Variants in SOD3 observed in about 807,000 individuals in gnomAD.
SOD3 encodes superoxide dismutase 3, also known as extracellular superoxide dismutase [Cu-Zn].
A neutral mutation model predicts 2.6 loss-of-function variants in SOD3; 3 were observed. That is an observed-to-expected ratio of 1.13 (90% CI 0.52 to 2.93). The LOEUF is 2.93. Ranked by LOEUF, SOD3 falls within the 30% of genes most tolerant of loss-of-function variation. The pLI is 0.04. For missense variants in SOD3, 379 were observed against 370.4 expected (o/e 1.02, Z -0.19); for synonymous variants, 188 against 177.5 (o/e 1.06, Z -0.47).
At chr4:24,798,558 C>G (rs1208594948) in intron 1 of SOD3, among the ~76,000 whole-genome samples, 1 of 152,136 alleles carries the variant, frequency 6.6e-6, no homozygotes, top group Non-Finnish European at 1.5e-5. Flanking sequence ...GCTTCTCTGT[C>G]TCTCCCTAGG....
At chr4:24,797,852 C>A (rs965108833) in intron 1 of SOD3, among the ~76,000 whole-genome samples, 1 of 152,170 alleles carries the variant, frequency 6.6e-6, no homozygotes, top group Non-Finnish European at 1.5e-5. Context: ...TTGGAGGCAG[C>A]ATCAATCCCT....
rs930372671 is a variant in SOD3 at position 24,800,077 on chromosome 4, G to A, written c.556G>A (p.Asp186Asn). The A allele has an allele frequency of 7.1e-7, 1 of 1,413,342 alleles. No individual in the cohort carries two copies. Among genetic ancestry groups the A allele is most frequent in the African/African-American group, 1.5e-5 (1 of 65,890 alleles). The allele number at this position is 1,413,342 out of a possible 1,614,324, so 87.6% of individuals were successfully genotyped here. Reference protein sequence around the residue: ...RAVVVHAGEDDLGRGGNQASV... With the variant: ...RAVVVHAGEDNLGRGGNQASV... ...CGTGGTCGTCCACGCTGGCGAGGAC[G>A]ACCTGGGCCGCGGCGGCAACCAGGC... is the stretch of plus-strand genomic sequence containing the variant. Residue 186 changes from aspartate (D) to asparagine (N), a missense_variant, in exon 2 of 2, where the codon GAC becomes AAC. Transcript: ENST00000382120.
At chr4:24,799,439 C>G in intron 1 of SOD3, 67 bp from the exon 2 acceptor site, 1 of 1,536,246 alleles carries the variant, frequency 6.5e-7, no homozygotes, top group Middle Eastern at 2.2e-4. Flanking sequence ...TAATGGGGTC[C>G]CTGAGATTCT....
chr4:24,799,898 A>G lies in SOD3; in HGVS notation c.377A>G (p.Glu126Gly). The G allele has an allele frequency of 6.2e-7, 1 of 1,601,356 alleles. No individual in the cohort carries two copies. The highest frequency in any genetic ancestry group is 2.2e-5 in the East Asian group (1 of 44,716). Residue 126 changes from glutamate to glycine, a missense_variant, in exon 2 of 2, where the codon GAG becomes GGG. By Grantham distance (98) the Glu-to-Gly change is moderately conservative. Coordinates refer to ENST00000382120, the MANE Select transcript of SOD3 (RefSeq NM_003102.4). ...HQFGDLSQGC[E>G]STGPHYNPLA... ...TTCGGGGACCTGAGCCAGGGCTGCGAGTCCACCGGGCCCCACTACAACCCG... is the reference window on the plus strand; with the variant it reads ...TTCGGGGACCTGAGCCAGGGCTGCGGGTCCACCGGGCCCCACTACAACCCG...
At chr4:24,798,264 C>A (rs999801943) in intron 1 of SOD3, among the ~76,000 whole-genome samples, 10 of 152,098 alleles carry the variant, frequency 6.6e-5, no homozygotes, top group Non-Finnish European at 1.3e-4. Flanking sequence ...CCTGTCTTCC[C>A]ACCTGGGCAC....
Position 24,800,307 on chromosome 4 carries a change from C to T in SOD3, c.*63C>T. On this transcript the variant is annotated 3_prime_UTR_variant, in exon 2 of 2. Transcript: ENST00000382120. Reference sequence around the variant, plus strand: ...GGCCCCCCTCTGCCTTTGAGCTTCTCCTCTGCTCCAACAGACACCCTCCAC... The same window carrying T: ...GGCCCCCCTCTGCCTTTGAGCTTCTTCTCTGCTCCAACAGACACCCTCCAC... 7.5e-7 allele frequency: 1 copy of T among 1,334,288 alleles called. No homozygotes were observed. The allele number at this position is 1,334,288 out of a possible 1,614,324, so 82.7% of individuals were successfully genotyped here.
chr4:24,799,969 G>A lies in SOD3; in HGVS notation c.448G>A (p.Ala150Thr). Reference protein sequence around the residue: ...PQHPGDFGNFAVRDGSLWRYR... With the variant: ...PQHPGDFGNFTVRDGSLWRYR... Reference sequence around the variant, plus strand: ...GCACCCGGGCGACTTCGGCAACTTCGCGGTCCGCGACGGCAGCCTCTGGAG... The same window carrying A: ...GCACCCGGGCGACTTCGGCAACTTCACGGTCCGCGACGGCAGCCTCTGGAG... Residue 150 changes from alanine to threonine, a missense_variant, in exon 2 of 2, where the codon GCG becomes ACG. Physicochemically the swap from Ala to Thr is moderately conservative, Grantham distance 58. Transcript: ENST00000382120. 1 of 1,587,348 alleles carries A rather than the reference G, an allele frequency of 6.3e-7. No individual in the cohort carries two copies. Among genetic ancestry groups the A allele is most frequent in the East Asian group, 2.3e-5 (1 of 44,072 alleles).
intron 1 of SOD3, among the ~76,000 whole-genome samples, chr4:24,798,225 C>T (rs1286486142): frequency 6.6e-6 from 1 of 152,074 alleles, no homozygotes; most frequent in East Asian, 1.9e-4. Context: ...CTTCTAAGTG[C>T]CAGACCCAAG....
chr4:24,798,974 C>T (rs138662973), intron 1 of SOD3, among the ~76,000 whole-genome samples: 4 of 152,240 alleles, frequency 2.6e-5, no homozygotes, highest in East Asian at 3.9e-4. Flanking sequence ...CTGGGGATAC[C>T]GATGAATAAA....
Position 24,800,103 on chromosome 4 carries a change from C to T in SOD3, c.582C>T (p.Ala194=). The part of the protein sequence containing the change: ...EDDLGRGGNQ[A]SVENGNAGRR... ...ACCTGGGCCGCGGCGGCAACCAGGC[C>T]AGCGTGGAGAACGGGAACGCGGGCC... Residue 194 remains alanine (A), a synonymous_variant, in exon 2 of 2, where the codon GCC becomes GCT. Coordinates refer to ENST00000382120, the MANE Select transcript of SOD3 (RefSeq NM_003102.4). The T allele has an allele frequency of 7.2e-7, 1 of 1,389,548 alleles. No homozygotes were observed. Among genetic ancestry groups the T allele is most frequent in the South Asian group, 1.6e-5 (1 of 61,548 alleles). 86.1% of individuals were successfully genotyped at this position (1,389,548 alleles called of 1,614,324 possible).
In SOD3 at chr4:24,800,094, C is replaced by T; in HGVS notation, c.573C>T (p.Gly191=). 1 of 1,397,252 alleles carries T rather than the reference C, an allele frequency of 7.2e-7. No homozygotes were observed. Among genetic ancestry groups the T allele is most frequent in the Admixed American group, 3.7e-5 (1 of 26,838 alleles). 86.6% of individuals were successfully genotyped at this position (1,397,252 alleles called of 1,614,324 possible). The change falls in exon 2 of 2, where the codon GGC becomes GGT. Residue 191 remains glycine, a synonymous_variant. Transcript: ENST00000382120. ...GCGAGGACGACCTGGGCCGCGGCGG[C>T]AACCAGGCCAGCGTGGAGAACGGGA... is the stretch of plus-strand genomic sequence containing the variant. The part of the protein sequence containing the change: ...HAGEDDLGRG[G]NQASVENGNA...
At chr4:24,795,847 G>A (rs1713641630) in intron 1 of SOD3, among the ~76,000 whole-genome samples, 196 bp downstream of exon 1, 1 of 152,126 alleles carries the variant, frequency 6.6e-6, no homozygotes, top group Non-Finnish European at 1.5e-5. Flanking sequence ...AGGGGAGGAA[G>A]AAACCGTTCC....
At position 24,800,387 on chromosome 4, in the gene SOD3, G is replaced by A; in HGVS notation, c.*143G>A. ...GTCTCCCCGCAGCCCTCTCCACCCA[G>A]AGGTCTCCCTATACCGAGACCCACC... On this transcript the variant is annotated 3_prime_UTR_variant, in exon 2 of 2. Transcript: ENST00000382120. 1.1e-6 allele frequency: 1 copy of A among 877,316 alleles called. No homozygotes were observed. Among genetic ancestry groups the A allele is most frequent in the Non-Finnish European group, 1.6e-6 (1 of 639,748 alleles). 54.3% of individuals were successfully genotyped at this position (877,316 alleles called of 1,614,324 possible). A position where few individuals can be genotyped will look rare whatever the true frequency, so the allele number is the denominator to read the frequency against.
Position 24,799,801 on chromosome 4 carries a change from G to T in SOD3, c.280G>T (p.Asp94Tyr). Residue 94 changes from aspartate (D) to tyrosine (Y), a missense_variant, in exon 2 of 2, where the codon GAC becomes TAC. By Grantham distance (160) the Asp-to-Tyr change is radical. Transcript: ENST00000382120. Reference protein sequence around the residue: ...FRQLAPRAKLDAFFALEGFPT... With the variant: ...FRQLAPRAKLYAFFALEGFPT... ...GCAGCTTGCGCCCCGCGCCAAGCTC[G>T]ACGCCTTCTTCGCCCTGGAGGGCTT... 1 of 1,593,108 alleles carries T rather than the reference G, an allele frequency of 6.3e-7. No homozygotes were observed. The highest frequency in any genetic ancestry group is 8.5e-7 in the Non-Finnish European group (1 of 1,175,862).
Position 24,799,554 on chromosome 4 carries a change from G to C in SOD3, c.33G>C (p.Leu11=), listed in dbSNP as rs770255376. 3 of 1,601,416 alleles carry C rather than the reference G, an allele frequency of 1.9e-6. No homozygotes were observed. In the Admixed American group the frequency reaches 5.0e-5, roughly 27 times the overall value. The change falls in exon 2 of 2, where the codon CTG becomes CTC. Residue 11 remains leucine, a synonymous_variant. Transcript: ENST00000382120. MLALLCSCLL[L]AAGASDAWTG... is the part of the protein sequence containing the mutation. The stretch of plus-strand genomic sequence containing the variant: ...CGCTACTGTGTTCCTGCCTGCTCCT[G>C]GCAGCCGGTGCCTCGGACGCCTGGA...
chr4:24,800,068 G>A lies in SOD3; in HGVS notation c.547G>A (p.Gly183Ser), dbSNP rs772060217. Residue 183 changes from glycine to serine, a missense_variant, in exon 2 of 2, where the codon GGC becomes AGC. By Grantham distance (56) the Gly-to-Ser change is moderately conservative. Transcript: ENST00000382120. ...GGGCCGGGCCGTGGTCGTCCACGCTGGCGAGGACGACCTGGGCCGCGGCGG... is the reference window on the plus strand; with the variant it reads ...GGGCCGGGCCGTGGTCGTCCACGCTAGCGAGGACGACCTGGGCCGCGGCGG... ...IVGRAVVVHA[G>S]EDDLGRGGNQ... 2 of 1,436,566 alleles carry A rather than the reference G, an allele frequency of 1.4e-6. No homozygotes were observed. The highest frequency in any genetic ancestry group is 1.4e-5 in the South Asian group (1 of 70,026). 89.0% of individuals were successfully genotyped at this position (1,436,566 alleles called of 1,614,324 possible).
rs2109071837 is a variant in SOD3 at position 24,800,281 on chromosome 4, A to G, written c.*37A>G. On this transcript the variant is annotated 3_prime_UTR_variant, in exon 2 of 2. Transcript: ENST00000382120. Reference sequence around the variant, plus strand: ...ACCCGGCGGCGGCCAGGGACCCCCGAGGCCCCCCTCTGCCTTTGAGCTTCT... The same window carrying G: ...ACCCGGCGGCGGCCAGGGACCCCCGGGGCCCCCCTCTGCCTTTGAGCTTCT... The G allele has an allele frequency of 7.3e-7, 1 of 1,373,160 alleles. No individual in the cohort carries two copies. Among genetic ancestry groups the G allele is most frequent in the East Asian group, 3.1e-5 (1 of 32,196 alleles). 85.1% of individuals were successfully genotyped at this position (1,373,160 alleles called of 1,614,324 possible). A position where few individuals can be genotyped will look rare whatever the true frequency, so the allele number is the denominator to read the frequency against.
chr4:24,796,564 C>A (rs1713670432), intron 1 of SOD3, among the ~76,000 whole-genome samples: 1 of 147,254 alleles, frequency 6.8e-6, no homozygotes, highest in Non-Finnish European at 1.5e-5. Flanking sequence ...TCAAGCGATC[C>A]TCCTACCTCA....
rs760511010 is a variant in SOD3, at chr4:24,799,994, G to A, written c.473G>A (p.Arg158Lys). The change falls in exon 2 of 2, where the codon AGG becomes AAG. Residue 158 changes from arginine (R) to lysine (K), a missense_variant. Arg to Lys is a conservative substitution (Grantham distance 26). Transcript: ENST00000382120. ...GCGGTCCGCGACGGCAGCCTCTGGAGGTACCGCGCCGGCCTGGCCGCCTCG... is the reference window on the plus strand; with the variant it reads ...GCGGTCCGCGACGGCAGCCTCTGGAAGTACCGCGCCGGCCTGGCCGCCTCG... ...NFAVRDGSLW[R>K]YRAGLAASLA... 67 of 1,574,892 alleles carry A rather than the reference G, an allele frequency of 4.3e-5. 2 individuals carry two copies. In the South Asian group the frequency reaches 6.7e-4, roughly 16 times the overall value.
Sources: allele counts gnomAD v4.1 joint callset (sites outside exome capture counted in the v4.1 genomes callset), GRCh38; gene constraint gnomAD v4.1.1; transcripts MANE v1.5; gene names NCBI Gene and HGNC (gene_info 2026-07-23, HGNC 2026-07-21).